The following TRIM5 variants were observed in gnomAD, a reference collection of about 807,000 sequenced individuals.
TRIM5 encodes tripartite motif containing 5.
A neutral mutation model predicts 35.6 loss-of-function variants in TRIM5; 31 were observed. The ratio of observed to expected loss-of-function variants is 0.87; its 90% CI spans 0.65 to 1.18. The LOEUF is 1.18. Ranked by LOEUF, TRIM5 falls within the 50% of genes most tolerant of loss-of-function variation. TRIM5 has a pLI of 0.00. For missense variants in TRIM5, 609 were observed against 591.6 expected (o/e 1.03, Z -0.31); for synonymous variants, 243 against 215.6 (o/e 1.13, Z -1.11).
At chr11:5,678,662 G>A (rs186796444) in intron 3 of TRIM5, among the ~76,000 whole-genome samples, 1 of 152,280 alleles carries the variant, frequency 6.6e-6, no homozygotes. Context: ...TGGGTTACCT[G>A]GATGTAGCTT....
chr11:5,657,392 T>C, the TRIM5 span, among the ~76,000 whole-genome samples: 1 of 150,124 alleles, frequency 6.7e-6, no homozygotes, highest in Non-Finnish European at 1.5e-5. Flanking sequence ...CAAACCACCA[T>C]GGTACGTGTA....
chr11:5,641,167 G>C, the TRIM5 span: 25 of 1,613,020 alleles, frequency 1.5e-5, no homozygotes, highest in East Asian at 3.3e-4. Flanking sequence ...TTCTTTCTAG[G>C]ACATGAGTGG....
chr11:5,654,867 C>T, the TRIM5 span, among the ~76,000 whole-genome samples: 4 of 152,030 alleles, frequency 2.6e-5, no homozygotes, highest in East Asian at 7.7e-4. Flanking sequence ...TTATGTACCA[C>T]AGCATTTATG....
chr11:5,642,940 C>T, the TRIM5 span: 2 of 1,521,438 alleles, frequency 1.3e-6, no homozygotes, highest in Non-Finnish European at 8.9e-7. Context: ...CATGCATTCT[C>T]AGCACCTCCC....
the TRIM5 span, among the ~76,000 whole-genome samples, chr11:5,631,744 T>C: frequency 1.8e-3 from 277 of 152,312 alleles, 2 homozygotes; most frequent in African/African-American, 6.5e-3. Context: ...TAGTCATCTG[T>C]GGAGAGACAG....
At chr11:5,616,006 C>G in the TRIM5 span, among the ~76,000 whole-genome samples, 2 of 145,172 alleles carry the variant, frequency 1.4e-5, no homozygotes, top group African/African-American at 5.1e-5. Flanking sequence ...AGTTGAGTGA[C>G]GTGGCGCGAT....
At chr11:5,631,546 T>A in the TRIM5 span, among the ~76,000 whole-genome samples, 1 of 152,222 alleles carries the variant, frequency 6.6e-6, no homozygotes, top group Non-Finnish European at 1.5e-5. Context: ...GAAATCTCCA[T>A]ATTGTGGTCA....
At chr11:5,606,260 T>G in the TRIM5 span, among the ~76,000 whole-genome samples, 1 of 152,178 alleles carries the variant, frequency 6.6e-6, no homozygotes. Flanking sequence ...GAACTGGTTT[T>G]GGGGGTCTGG....
intron 4 of TRIM5, among the ~76,000 whole-genome samples, chr11:5,669,039 C>T (rs982549510): frequency 6.6e-6 from 1 of 151,026 alleles, no homozygotes; most frequent in Admixed American, 6.6e-5. Flanking sequence ...ACTACATTTA[C>T]TCTGAACTCT....
chr11:5,593,717 T>C, the TRIM5 span, among the ~76,000 whole-genome samples: 1 of 152,342 alleles, frequency 6.6e-6, no homozygotes, highest in Non-Finnish European at 1.5e-5. Context: ...ATATTGAGTA[T>C]TGTAATAATA....
chr11:5,633,146 CTTT>C, the TRIM5 span, among the ~76,000 whole-genome samples: 21 of 106,784 alleles, frequency 2.0e-4, no homozygotes, highest in Middle Eastern at 5.1e-3. Context: ...CCTTTTCTTT[CTTT>C]TTTTTTTTTT....
the TRIM5 span, among the ~76,000 whole-genome samples, chr11:5,636,532 TAAAAAC>T: frequency 6.6e-6 from 1 of 152,182 alleles, no homozygotes; most frequent in South Asian, 2.1e-4. Flanking sequence ...TACATCTCAG[TAAAAAC>T]AAAAACAAAA....
Position 5,664,379 on chromosome 11 carries a change from A to G in TRIM5, c.*430T>C. ...ATGATATTTTCTCTTTAACTCACAAATAAGGGCATCGAGGGTAAACTGACA... is the reference window on the plus strand; with the variant it reads ...ATGATATTTTCTCTTTAACTCACAAGTAAGGGCATCGAGGGTAAACTGACA... On this transcript the variant is annotated 3_prime_UTR_variant, in exon 8 of 8. Transcript: ENST00000380034. The G allele has an allele frequency of 1.0e-6, 1 of 994,984 alleles. No homozygotes were observed. Among genetic ancestry groups the G allele is most frequent in the Non-Finnish European group, 1.2e-6 (1 of 835,446 alleles). The allele number at this position is 994,984 out of a possible 1,614,324, so 61.6% of individuals were successfully genotyped here. A position where few individuals can be genotyped will look rare whatever the true frequency, so the allele number is the denominator to read the frequency against.
chr11:5,659,148 T>TA (rs377587371), downstream of TRIM5, among the ~76,000 whole-genome samples: 191 of 146,522 alleles, frequency 1.3e-3, no homozygotes, highest in African/African-American at 4.5e-3. Flanking sequence ...ACTTAAAGTA[T>TA]AAAAAAAAAG....
the TRIM5 span, among the ~76,000 whole-genome samples, chr11:5,635,471 T>C: frequency 1.3e-5 from 2 of 152,138 alleles, no homozygotes; most frequent in Non-Finnish European, 2.9e-5. Context: ...CTAGCCAGTA[T>C]GGTATTAATC....
At chr11:5,614,746 G>A in the TRIM5 span, among the ~76,000 whole-genome samples, 3 of 152,176 alleles carry the variant, frequency 2.0e-5, no homozygotes, top group Admixed American at 2.0e-4. Flanking sequence ...TGGCATGTAA[G>A]TTTGATTCTA....
the TRIM5 span, chr11:5,596,031 C>T: frequency 6.6e-6 from 1 of 152,442 alleles, no homozygotes; most frequent in Non-Finnish European, 1.5e-5. Flanking sequence ...CTGGTGACCA[C>T]ACCCATGGAA....
chr11:5,633,756 T>A, the TRIM5 span: 1 of 1,571,336 alleles, frequency 6.4e-7, no homozygotes, highest in South Asian at 1.2e-5. Context: ...TCTATCCAGA[T>A]ACTAAGAAAG....
chr11:5,598,373 C>A, the TRIM5 span, among the ~76,000 whole-genome samples: 1 of 152,076 alleles, frequency 6.6e-6, no homozygotes, highest in Non-Finnish European at 1.5e-5. Context: ...CTTTTTTCTG[C>A]TCAAGAATTT....
Sources: gnomAD v4.1 joint callset for allele counts (sites outside exome capture counted in the v4.1 genomes callset) on GRCh38, gnomAD v4.1.1 for gene constraint, MANE v1.5 for transcripts, NCBI Gene and HGNC (gene_info 2026-07-23, HGNC 2026-07-21) for gene names.